Variants in POLN observed in about 807,000 individuals in gnomAD.
POLN encodes DNA polymerase N.
A neutral mutation model predicts 113.5 loss-of-function variants in POLN; 108 were observed. The ratio of observed to expected loss-of-function variants is 0.95; its 90% confidence interval spans 0.81 to 1.12. POLN has a LOEUF of 1.12. POLN is among the 50% of genes most tolerant of loss of function. The probability of loss-of-function intolerance (pLI) is 0.00; values close to 1 mark genes in which losing one functional copy is unlikely to be tolerated. For synonymous variants in POLN, 386 were observed against 391.5 expected (o/e 0.99, Z 0.17); for missense variants, 1,097 against 1,077.1 (o/e 1.02, Z -0.26).
At chr4:2,081,125 G>A (rs1336065933) in intron 22 of POLN, 89 bp from the exon 23 acceptor site, 1 of 1,606,024 alleles carries the variant, frequency 6.2e-7, no homozygotes, top group Non-Finnish European at 8.5e-7. Context: ...AGCTCTCACG[G>A]TACCTCCACA....
chr4:2,212,682 A>G (rs1170143150), intron 4 of POLN, among the ~76,000 whole-genome samples: 2 of 152,028 alleles, frequency 1.3e-5, no homozygotes, highest in African/African-American at 2.4e-5. Flanking sequence ...CACTGCATCC[A>G]GCCTAGGTCG....
At chr4:2,139,095 G>T (rs1401646133) in intron 16 of POLN, among the ~76,000 whole-genome samples, 1 of 152,160 alleles carries the variant, frequency 6.6e-6, no homozygotes, top group Non-Finnish European at 1.5e-5. Context: ...CAACAAATGG[G>T]CAGAGGGAGA....
chr4:2,212,447 T>C (rs2108766117), intron 4 of POLN, among the ~76,000 whole-genome samples: 1 of 152,316 alleles, frequency 6.6e-6, no homozygotes. Flanking sequence ...CAATCACAGC[T>C]CACTGCAGCC....
Position 2,208,102 on chromosome 4 carries a change from A to G in POLN, c.599T>C (p.Ile200Thr). The part of the protein sequence containing the change: ...SGALKKHFCD[I>T]RHLDDWAKSQ... ...TTTTGCCCAATCATCCAAATGCCTA[A>G]TATCACAAAAATGTTTTTTCAATGC... The change falls in exon 5 of 26, where the codon ATT becomes ACT. Residue 200 changes from isoleucine to threonine, a missense_variant. Physicochemically the swap from Ile to Thr is moderately conservative, Grantham distance 89. Coordinates refer to ENST00000511885, the MANE Select transcript of POLN (RefSeq NM_181808.4). 1 of 1,614,202 alleles carries G rather than the reference A, an allele frequency of 6.2e-7. No homozygotes were observed. The highest frequency in any genetic ancestry group is 8.5e-7 in the Non-Finnish European group (1 of 1,180,034).
At chr4:2,148,765 T>C (rs545424644) in intron 16 of POLN, among the ~76,000 whole-genome samples, 65 of 152,138 alleles carry the variant, frequency 4.3e-4, no homozygotes, top group Middle Eastern at 3.4e-3. Flanking sequence ...CAATGAATCC[T>C]AAATACAAGA....
chr4:2,155,111 C>G lies in POLN; in HGVS notation c.1731+1677G>C, dbSNP rs552734391. On this transcript the variant is annotated intron_variant, in intron 16 of 25. Transcript: ENST00000511885. ...ATAAAAACAAAAGCAAGGACCTCCA[C>G]GAAAAGTTTCTCAGCAGAATTCCTA... is the stretch of plus-strand genomic sequence containing the variant. Among the ~76,000 whole-genome samples the G allele has an allele frequency of 1.2e-4, 19 of 152,214 alleles. No homozygotes were observed. The South Asian group carries it at 3.9e-3, about 32-fold the overall frequency.
At chr4:2,107,139 C>T (rs1369672985) in intron 19 of POLN, among the ~76,000 whole-genome samples, 1 of 151,844 alleles carries the variant, frequency 6.6e-6, no homozygotes. Flanking sequence ...CATTTTCTAA[C>T]TGGTTGTTTA....
chr4:2,111,685 G>A (rs1275114384), intron 19 of POLN, among the ~76,000 whole-genome samples: 2 of 152,158 alleles, frequency 1.3e-5, no homozygotes, highest in African/African-American at 2.4e-5. Flanking sequence ...ACTTACAAGG[G>A]ATGTGAAGGA....
intron 3 of POLN, among the ~76,000 whole-genome samples, chr4:2,215,280 G>A (rs916234935): frequency 6.6e-6 from 1 of 152,140 alleles, no homozygotes; most frequent in Non-Finnish European, 1.5e-5. Context: ...GACTGAAGAT[G>A]ATGACCTCAT....
intron 5 of POLN, among the ~76,000 whole-genome samples, chr4:2,201,860 C>T (rs977316001): frequency 3.3e-5 from 5 of 152,166 alleles, no homozygotes; most frequent in Non-Finnish European, 7.4e-5. Flanking sequence ...ACCCTCCAAG[C>T]TAGAAGGGAC....
At chr4:2,128,296 G>A (rs35726483) in intron 18 of POLN, 69 bp from the exon 19 acceptor site, 21 of 970,030 alleles carry the variant, frequency 2.2e-5, no homozygotes, top group Non-Finnish European at 2.9e-5. Context: ...TGCGCACCCC[G>A]GCCACCCTCA....
rs1734997724 is a variant in POLN, at chr4:2,241,738, C to T, written c.-231G>A. On this transcript the variant is annotated 5_prime_UTR_variant, in exon 2 of 26. Transcript: ENST00000511885. ...CCAAGGCCGCGATACACCAGACGCG[C>T]CAGCGGCAAAACCTTCCTTCGGAGG... The T allele has an allele frequency of 2.0e-6, 2 of 985,508 alleles. No homozygotes were observed. Among genetic ancestry groups the T allele is most frequent in the Non-Finnish European group, 2.4e-6 (2 of 829,960 alleles). 61.0% of individuals were successfully genotyped at this position (985,508 alleles called of 1,614,324 possible).
chr4:2,184,754 T>C (rs1733229572), intron 7 of POLN, among the ~76,000 whole-genome samples: 2 of 152,176 alleles, frequency 1.3e-5, no homozygotes, highest in African/African-American at 4.8e-5. Flanking sequence ...CATCCTACCA[T>C]ACCACAAATC....
chr4:2,238,792 T>C (rs1459932257), intron 2 of POLN: 1 of 1,613,542 alleles, frequency 6.2e-7, no homozygotes, highest in Non-Finnish European at 8.5e-7. Flanking sequence ...ATGATAACTG[T>C]AGAAGTTCAA....
chr4:2,162,764 AT>A (rs1011743896), intron 13 of POLN, among the ~76,000 whole-genome samples: 7 of 147,524 alleles, frequency 4.7e-5, no homozygotes, highest in African/African-American at 5.0e-5. Flanking sequence ...GCCCGATTTT[AT>A]TTTTTTTTTA....
chr4:2,109,470 A>T (rs940071437), intron 19 of POLN, among the ~76,000 whole-genome samples: 1 of 152,162 alleles, frequency 6.6e-6, no homozygotes, highest in Non-Finnish European at 1.5e-5. Flanking sequence ...AAGCAATGAG[A>T]CTTTTTCAGG....
At chr4:2,192,812 A>T (rs1733484353) in intron 7 of POLN, among the ~76,000 whole-genome samples, 1 of 150,164 alleles carries the variant, frequency 6.7e-6, no homozygotes, top group Admixed American at 6.6e-5. Context: ...TAAAAAAATA[A>T]AAATATATAT....
At chr4:2,147,643 CTT>C (rs747184067) in intron 16 of POLN, among the ~76,000 whole-genome samples, 3 of 79,344 alleles carry the variant, frequency 3.8e-5, no homozygotes, top group African/African-American at 8.3e-5. Flanking sequence ...TTTTTCTTTT[CTT>C]TTTTTTTTTT....
At chr4:2,109,579 A>C (rs1188361878) in intron 19 of POLN, among the ~76,000 whole-genome samples, 1 of 152,118 alleles carries the variant, frequency 6.6e-6, no homozygotes, top group Non-Finnish European at 1.5e-5. Flanking sequence ...GTGTATTAAA[A>C]TTTAGGATTA....
Sources: gnomAD v4.1 joint callset for allele counts (sites outside exome capture counted in the v4.1 genomes callset) on GRCh38, gnomAD v4.1.1 for gene constraint, MANE v1.5 for transcripts, NCBI Gene and HGNC (gene_info 2026-07-23, HGNC 2026-07-21) for gene names.